NUB1: variants seen among roughly 807,000 people sequenced by gnomAD.
The protein encoded by NUB1 is negative regulator of ubiquitin like proteins 1, also known as NEDD8 ultimate buster 1.
In NUB1, 41 loss-of-function variants were observed where a neutral mutation model predicts 77.1. The ratio of observed to expected loss-of-function variants is 0.53; its 90% CI spans 0.41 to 0.69. NUB1 has a LOEUF of 0.69. Among genes scored for constraint, NUB1 ranks in the 30% least tolerant of loss-of-function variants. The probability of loss-of-function intolerance (pLI) is 0.00; values close to 1 mark genes in which losing one functional copy is unlikely to be tolerated. For missense variants in NUB1, 643 were observed against 743.8 expected (o/e 0.86, Z 1.58); for synonymous variants, 257 against 281.0 (o/e 0.91, Z 0.85).
chr7:151,345,221 G>A, intron 1 of NUB1, 127 bp from the exon 2 acceptor site: 2 of 590,770 alleles, frequency 3.4e-6, no homozygotes, highest in Non-Finnish European at 6.0e-6. Context: ...TTAAACCATA[G>A]TAATTTATAT....
chr7:151,365,096 T>C (rs189610169), intron 8 of NUB1, among the ~76,000 whole-genome samples: 2 of 152,058 alleles, frequency 1.3e-5, no homozygotes, highest in Admixed American at 1.3e-4. Context: ...AGTGCTGAGA[T>C]TACAGGTGTG....
chr7:151,362,152 T>A (rs1476545449), intron 8 of NUB1, among the ~76,000 whole-genome samples: 1 of 152,178 alleles, frequency 6.6e-6, no homozygotes, highest in African/African-American at 2.4e-5. Context: ...TTTGGCTACA[T>A]CTTCAGTTCA....
At position 151,344,877 on chromosome 7, in the gene NUB1, G is replaced by A. The variant is rs571345707; in HGVS notation, c.-2-471G>A. Among the ~76,000 whole-genome samples the A allele has an allele frequency of 5.3e-5, 8 of 152,252 alleles. No homozygotes were observed. The South Asian group carries it at 1.7e-3, about 32-fold the overall frequency. On this transcript the variant is annotated intron_variant, in intron 1 of 14. Coordinates refer to ENST00000568733, the MANE Select transcript of NUB1 (RefSeq NM_001243351.2). ...TAGCCGGGCGTGGTGGCGCATGCCT[G>A]TAATCCCAGTGAGTAGGGAGGCTGA... is the stretch of plus-strand genomic sequence containing the variant.
At chr7:151,368,997 A>C (rs1011562773) in intron 11 of NUB1, 110 bp downstream of exon 11, 1 of 1,211,224 alleles carries the variant, frequency 8.3e-7, no homozygotes, top group Admixed American at 3.5e-5. Context: ...ATTGGGAAGG[A>C]AGGAGAAACT....
intron 2 of NUB1, 120 bp from the exon 3 acceptor site, chr7:151,348,953 A>T: frequency 1.3e-6 from 1 of 791,282 alleles, no homozygotes; most frequent in Non-Finnish European, 2.1e-6. Context: ...TGTGGACTGC[A>T]GTGTAACGGG....
chr7:151,354,578 T>C (rs1018073439), intron 5 of NUB1, among the ~76,000 whole-genome samples: 15 of 152,220 alleles, frequency 9.9e-5, no homozygotes, highest in African/African-American at 3.6e-4. Context: ...TTTGGCTAAT[T>C]TATTCATGGA....
intron 1 of NUB1, among the ~76,000 whole-genome samples, chr7:151,343,633 T>A (rs1012867040): frequency 2.6e-5 from 4 of 152,184 alleles, no homozygotes; most frequent in African/African-American, 9.7e-5. Flanking sequence ...GCCGCCTCAC[T>A]CACCTTTGAA....
chr7:151,375,029 G>C (rs1475714423), intron 12 of NUB1, among the ~76,000 whole-genome samples: 3 of 150,936 alleles, frequency 2.0e-5, no homozygotes, highest in Non-Finnish European at 4.4e-5. Context: ...CGGGGCTGGG[G>C]GGACAGAGAT....
At chr7:151,373,723 CGGTTCCTACCT>C (rs1563030414) in intron 11 of NUB1, among the ~76,000 whole-genome samples, 1 of 152,230 alleles carries the variant, frequency 6.6e-6, no homozygotes, top group Non-Finnish European at 1.5e-5. Flanking sequence ...CTCTCCTACC[CGGTTCCTACCT>C]GGTTCCTAGA....
At chr7:151,351,607 A>C (rs1796799075) in intron 4 of NUB1, 125 bp downstream of exon 4, 2 of 699,286 alleles carry the variant, frequency 2.9e-6, no homozygotes, top group Non-Finnish European at 4.8e-6. Context: ...TAAAAGAGAA[A>C]ATTGAGGCTT....
chr7:151,352,363 G>A (rs1796852310), intron 4 of NUB1: 3 of 300,236 alleles, frequency 1.0e-5, no homozygotes, highest in South Asian at 8.8e-5. Context: ...TTATTGTGAT[G>A]TTTGTGAGTC....
intron 11 of NUB1, among the ~76,000 whole-genome samples, chr7:151,371,328 T>G (rs1584969839): frequency 6.6e-6 from 1 of 152,172 alleles, no homozygotes. Context: ...GGCTTACTGA[T>G]GTCACTGAGG....
intron 7 of NUB1, 72 bp from the exon 8 acceptor site, chr7:151,360,069 T>C: frequency 1.5e-6 from 1 of 683,822 alleles, no homozygotes; most frequent in South Asian, 2.1e-5. Flanking sequence ...TTTTAAAAAG[T>C]AATATGCTTT....
In NUB1 at chr7:151,368,860, G is replaced by T. The variant is rs373605778; in HGVS notation, c.1221G>T (p.Ala407=). The T allele has an allele frequency of 6.8e-6, 11 of 1,613,650 alleles. No homozygotes were observed. In the Admixed American group the frequency reaches 1.8e-4, roughly 27 times the overall value. Residue 407 remains alanine, a synonymous_variant, in exon 11 of 15, where the codon GCG becomes GCT. Transcript: ENST00000568733. The stretch of plus-strand genomic sequence containing the variant: ...CGTGTGATGGGAACGTGGATCATGC[G>T]GCCACTCATATTACCAACCGCAGAG... The part of the protein sequence containing the change: ...LRACDGNVDH[A]ATHITNRREE...
chr7:151,366,539 GAA>G (rs1161860950), intron 8 of NUB1, among the ~76,000 whole-genome samples: 3 of 152,114 alleles, frequency 2.0e-5, no homozygotes, highest in Non-Finnish European at 4.4e-5. Context: ...AAGAAAGAAA[GAA>G]AGAACGTTGC....
intron 11 of NUB1, among the ~76,000 whole-genome samples, chr7:151,369,686 A>C (rs1797871670): frequency 6.6e-6 from 1 of 152,226 alleles, no homozygotes; most frequent in South Asian, 2.1e-4. Flanking sequence ...GTCATGGTGG[A>C]ATATTAGCAG....
intron 11 of NUB1, among the ~76,000 whole-genome samples, chr7:151,371,892 A>C (rs1797975205): frequency 6.6e-6 from 1 of 152,078 alleles, no homozygotes. Flanking sequence ...TTTTTTGTAG[A>C]AATGGGGTCT....
Position 151,349,143 on chromosome 7 carries a change from T to TA in NUB1, c.189dup (p.Arg64ThrfsTer6). 6.2e-7 allele frequency: 1 copy of TA among 1,613,550 alleles called. No homozygotes were observed. Reference sequence around the variant, plus strand: ...GAAGTAGAAAAGGTAATAGAAGAAATACGTTGCAAGGCAATTGAGCGTGGA... The same window carrying TA: ...GAAGTAGAAAAGGTAATAGAAGAAATAACGTTGCAAGGCAATTGAGCGTGGA... On this transcript the variant is annotated frameshift_variant, in exon 3 of 15. Coordinates refer to ENST00000568733, the MANE Select transcript of NUB1 (RefSeq NM_001243351.2). LOFTEE classifies it high-confidence loss of function.
In NUB1 at chr7:151,377,331, C is replaced by A; in HGVS notation, c.*106C>A. 20 of 636,858 alleles carry A rather than the reference C, an allele frequency of 3.1e-5. No individual in the cohort carries two copies. Among genetic ancestry groups the A allele is most frequent in the Non-Finnish European group, 4.0e-5 (16 of 402,870 alleles). The allele number at this position is 636,858 out of a possible 1,614,324, so 39.5% of individuals were successfully genotyped here. On this transcript the variant is annotated 3_prime_UTR_variant, in exon 15 of 15. Transcript: ENST00000568733. The stretch of plus-strand genomic sequence containing the variant: ...ACTTTTTATCTGAATTACAAGTCCT[C>A]TTTGGGTGTAGGAGGGGGTGGGCAG...
Sources: gnomAD v4.1 joint callset for allele counts (sites outside exome capture counted in the v4.1 genomes callset) on GRCh38, gnomAD v4.1.1 for gene constraint, MANE v1.5 for transcripts, NCBI Gene and HGNC (gene_info 2026-07-23, HGNC 2026-07-21) for gene names.